ZNF616: variants seen among roughly 807,000 people sequenced by gnomAD.
ZNF616 encodes the protein zinc finger protein 616.
Under a neutral mutation model 7.6 loss-of-function variants are expected in ZNF616, and 5 were observed. That is an observed-to-expected ratio of 0.66 (90% CI 0.34 to 1.38). ZNF616 has a LOEUF of 1.38. ZNF616 is among the 40% of genes most tolerant of loss of function. The probability of loss-of-function intolerance (pLI) is 0.04; values close to 1 mark genes in which losing one functional copy is unlikely to be tolerated. For missense variants in ZNF616, 913 were observed against 948.3 expected, an observed-to-expected ratio of 0.96 and a Z score of 0.49; for synonymous variants, 319 against 317.2, an observed-to-expected ratio of 1.01 and a Z score of -0.06.
In ZNF616 at chr19:52,115,057, G is replaced by C. The variant is rs2088805775; in HGVS notation, c.2107C>G (p.His703Asp). ...TGGATTCTCTGGTGACTTACAAGATGTGAACTATGCCTGAATACCTTGCCA... is the reference window on the plus strand; with the variant it reads ...TGGATTCTCTGGTGACTTACAAGATCTGAACTATGCCTGAATACCTTGCCA... ...ECGKVFRHSS[H>D]LVSHQRIHTG... Residue 703 changes from histidine (H) to aspartate (D), a missense_variant, in exon 4 of 4, where the codon CAT (histidine) becomes GAT (aspartate). Physicochemically the swap from His to Asp is moderately conservative, Grantham distance 81. Transcript: ENST00000600228. 6.2e-7 allele frequency: 1 copy of C among 1,613,984 alleles called. No individual in the cohort carries two copies. Among genetic ancestry groups the C allele is most frequent in the Non-Finnish European group, 8.5e-7 (1 of 1,180,000 alleles).
In ZNF616 at chr19:52,115,756, A is replaced by T. The variant is rs2088814911; in HGVS notation, c.1408T>A (p.Cys470Ser). ...TGEKAYKCNE[C>S]GKVFSIHSRL... ...GAATGTATGCTGAAAACTTTGCCAC[A>T]TTCATTGCATTTATAAGCTTTCTCG... is the stretch of plus-strand genomic sequence containing the variant. Residue 470 changes from cysteine to serine, a missense_variant, in exon 4 of 4, where the codon TGT (cysteine) becomes AGT (serine). Transcript: ENST00000600228. 6.2e-7 allele frequency: 1 copy of T among 1,614,054 alleles called. No homozygotes were observed. Among genetic ancestry groups the T allele is most frequent in the South Asian group, 1.1e-5 (1 of 91,080 alleles).
chr19:52,138,280 C>T (rs530970177), intron 1 of ZNF616, among the ~76,000 whole-genome samples: 4 of 152,192 alleles, frequency 2.6e-5, no homozygotes, highest in Non-Finnish European at 5.9e-5. Context: ...CAAGTCACTG[C>T]CCTGTGGCTA....
rs372796752 is a variant in ZNF616 at position 52,132,665 on chromosome 19, A to C, written c.-76-2077T>G. On this transcript the variant is annotated intron_variant, in intron 1 of 3. Transcript: ENST00000600228. ...CCCGCCACGTGAGACGCCTGTTCCTACTTCGCCTGCTACCATGTTTGGAAT... is the reference window on the plus strand; with the variant it reads ...CCCGCCACGTGAGACGCCTGTTCCTCCTTCGCCTGCTACCATGTTTGGAAT... Among the ~76,000 whole-genome samples the C allele has an allele frequency of 2.3e-4, 35 of 152,112 alleles. 1 individual carries two copies. The East Asian group carries it at 3.5e-3, about 15-fold the overall frequency.
intron 2 of ZNF616, among the ~76,000 whole-genome samples, chr19:52,126,356 C>G (rs913837355): frequency 6.6e-6 from 1 of 152,046 alleles, no homozygotes; most frequent in Non-Finnish European, 1.5e-5. Context: ...TATGAAACCC[C>G]ATCTCTACTA....
chr19:52,132,743 C>A (rs769861307), intron 1 of ZNF616, among the ~76,000 whole-genome samples: 1 of 152,274 alleles, frequency 6.6e-6, no homozygotes, highest in East Asian at 1.9e-4. Flanking sequence ...GTGCAGCCTG[C>A]AGAACTGTGA....
rs1305137663 is a variant in ZNF616, at chr19:52,114,018, T to C, written c.*800A>G. The C allele has an allele frequency of 6.6e-6, 1 of 152,210 alleles. No individual in the cohort carries two copies. The highest frequency in any genetic ancestry group is 2.4e-5 in the African/African-American group (1 of 41,452). The allele number at this position is 152,210 out of a possible 1,614,324, so 9.4% of individuals were successfully genotyped here. A position where few individuals can be genotyped will look rare whatever the true frequency, so the allele number is the denominator to read the frequency against. ...ACATTTCTGTGGTTCCTCTCAAAGA[T>C]GTATATTCTGATGCCTAGTGAGTTC... On this transcript the variant is annotated 3_prime_UTR_variant, in exon 4 of 4. Transcript: ENST00000600228.
intron 3 of ZNF616, among the ~76,000 whole-genome samples, chr19:52,122,721 G>A (rs183735856): frequency 0.02 from 3,042 of 148,864 alleles, 112 homozygotes; most frequent in African/African-American, 0.071. Context: ...TGCAAGCTCC[G>A]CCTCCCGGGT....
rs578045603 is a variant in ZNF616 at position 52,119,375 on chromosome 19, GAAAAAAA to G, written c.140-2358_140-2352del. Among the ~76,000 whole-genome samples, 729 of 138,502 alleles carry G rather than the reference GAAAAAAA, an allele frequency of 5.3e-3. 13 individuals carry two copies. The highest frequency in any genetic ancestry group is 0.019 in the African/African-American group (703 of 37,768). The allele number at this position is 138,502 out of a possible 152,430, so 90.9% of individuals were successfully genotyped here. ...TGAGCGACAAAGCAAGACTCCATAT[GAAAAAAA>G]AAAAGAAAAAAGAAAAAAAGGAAGT... On this transcript the variant is annotated intron_variant, in intron 3 of 3. Coordinates refer to ENST00000600228, the MANE Select transcript of ZNF616 (RefSeq NM_178523.5).
intron 1 of ZNF616, among the ~76,000 whole-genome samples, chr19:52,133,004 A>T (rs1278840007): frequency 1.3e-5 from 2 of 152,188 alleles, no homozygotes; most frequent in Non-Finnish European, 2.9e-5. Context: ...ATTAAACAGA[A>T]AGCTCCTGAC....
Position 52,116,719 on chromosome 19 carries a change from C to T in ZNF616, c.445G>A (p.Ala149Thr), listed in dbSNP as rs1423704150. Residue 149 changes from alanine to threonine, a missense_variant, in exon 4 of 4, where the codon GCT becomes ACT. Physicochemically the swap from Ala to Thr is moderately conservative, Grantham distance 58. Coordinates refer to ENST00000600228, the MANE Select transcript of ZNF616 (RefSeq NM_178523.5). ...TCAGTTTGAACTTTCTGCAGTTCAG[C>T]CAGACGTGACTCAAAGTTTGATGTA... ...QLTSNFESRLAELQKVQTEGR... is the reference protein window; with the variant it reads ...QLTSNFESRLTELQKVQTEGR... 4 of 1,613,984 alleles carry T rather than the reference C, an allele frequency of 2.5e-6. No homozygotes were observed. In the African/African-American group the frequency reaches 5.3e-5, roughly 22 times the overall value.
chr19:52,134,666 A>G (rs2088992447), intron 1 of ZNF616, among the ~76,000 whole-genome samples: 1 of 152,184 alleles, frequency 6.6e-6, no homozygotes, highest in Non-Finnish European at 1.5e-5. Flanking sequence ...TTTAGTGTGT[A>G]GGAGAAAACT....
chr19:52,130,388 G>C, intron 2 of ZNF616, 113 bp downstream of exon 2: 2 of 965,004 alleles, frequency 2.1e-6, no homozygotes, highest in South Asian at 2.6e-5. Flanking sequence ...TGTCAGGAAG[G>C]ACACTTCAGA....
At chr19:52,137,963 CA>C (rs1164889534) in intron 1 of ZNF616, among the ~76,000 whole-genome samples, 1 of 152,042 alleles carries the variant, frequency 6.6e-6, no homozygotes, top group Non-Finnish European at 1.5e-5. Flanking sequence ...ATTAACAAAA[CA>C]AAAAACCAAC....
Position 52,116,383 on chromosome 19 carries a change from T to C in ZNF616, c.781A>G (p.Arg261Gly), listed in dbSNP as rs2088823945. The change falls in exon 4 of 4, where the codon AGG becomes GGG. Residue 261 changes from arginine to glycine, a missense_variant. Transcript: ENST00000600228. ...RKNSYFVRHQ[R>G]SHTGQKPYIC... ...TAGGGTTTCTGTCCAGTGTGACTCC[T>C]TTGGTGTCTTACAAAATATGAATTT... 5 of 1,614,152 alleles carry C rather than the reference T, an allele frequency of 3.1e-6. No homozygotes were observed. The highest frequency in any genetic ancestry group is 4.2e-6 in the Non-Finnish European group (5 of 1,180,022).
chr19:52,136,880 C>T (rs1460229660), intron 1 of ZNF616, among the ~76,000 whole-genome samples: 2 of 151,864 alleles, frequency 1.3e-5, no homozygotes, highest in Non-Finnish European at 2.9e-5. Context: ...TTGGACAAAA[C>T]AGCGGGACCA....
intron 3 of ZNF616, among the ~76,000 whole-genome samples, chr19:52,120,694 T>G (rs993628998): frequency 1.3e-5 from 2 of 152,186 alleles, no homozygotes; most frequent in Non-Finnish European, 2.9e-5. Flanking sequence ...ACAGACTTTA[T>G]GTCAAAACTG....
At chr19:52,137,043 T>G (rs1049108107) in intron 1 of ZNF616, among the ~76,000 whole-genome samples, 1 of 118,384 alleles carries the variant, frequency 8.4e-6, no homozygotes, top group East Asian at 2.6e-4. Context: ...GTATATATAT[T>G]TATGTATGTG....
chr19:52,132,642 C>T (rs982748550), intron 1 of ZNF616, among the ~76,000 whole-genome samples: 7 of 152,126 alleles, frequency 4.6e-5, no homozygotes, highest in Non-Finnish European at 7.3e-5. Flanking sequence ...CTCCTGCTCC[C>T]GCCACGTGAG....
intron 3 of ZNF616, among the ~76,000 whole-genome samples, chr19:52,121,212 G>A (rs1051975180): frequency 6.6e-6 from 1 of 152,082 alleles, no homozygotes; most frequent in Non-Finnish European, 1.5e-5. Context: ...ACGCCACCAC[G>A]CCCAGCTAAT....
Sources: gnomAD v4.1 joint callset for allele counts (sites outside exome capture counted in the v4.1 genomes callset) on GRCh38, gnomAD v4.1.1 for gene constraint, MANE v1.5 for transcripts, NCBI Gene and HGNC (gene_info 2026-07-23, HGNC 2026-07-21) for gene names.